The following SF3A3 variants were observed in gnomAD, a reference collection of about 807,000 sequenced individuals.
The protein encoded by SF3A3 is splicing factor 3a subunit 3, also known as SAP 61.
A neutral mutation model predicts 85.8 loss-of-function variants in SF3A3; 9 were observed. The observed-to-expected ratio is 0.10, with a 90% CI of 0.06 to 0.18. The LOEUF (loss-of-function observed/expected upper bound fraction) is 0.18, where lower values mean the gene tolerates loss of function less well. Among genes scored for constraint, SF3A3 ranks in the 10% least tolerant of loss-of-function variants. SF3A3 has a pLI of 1.00. For synonymous variants in SF3A3, 195 were observed against 204.4 expected, an observed-to-expected ratio of 0.95 and a Z score of 0.39; for missense variants, 306 against 593.3, an observed-to-expected ratio of 0.52 and a Z score of 5.03.
At chr1:37,963,002 C>T (rs1263444384) in intron 15 of SF3A3, among the ~76,000 whole-genome samples, 3 of 151,608 alleles carry the variant, frequency 2.0e-5, no homozygotes, top group Non-Finnish European at 4.4e-5. Context: ...ACAGGAGAAT[C>T]GCTTGAACAC....
intron 12 of SF3A3, among the ~76,000 whole-genome samples, chr1:37,970,054 C>T (rs1242232492): frequency 6.6e-6 from 1 of 152,084 alleles, no homozygotes; most frequent in East Asian, 1.9e-4. Flanking sequence ...CCTGTAATCC[C>T]ATCACTTTTG....
chr1:37,979,263 C>T (rs778809932), intron 9 of SF3A3: 15 of 621,312 alleles, frequency 2.4e-5, no homozygotes, highest in Non-Finnish European at 3.5e-5. Context: ...TACTTTACTA[C>T]GGCTTAATGT....
chr1:37,984,440 A>T (rs913131725), intron 5 of SF3A3, among the ~76,000 whole-genome samples, 180 bp from the exon 6 acceptor site: 2 of 152,240 alleles, frequency 1.3e-5, no homozygotes, highest in African/African-American at 2.4e-5. Flanking sequence ...TTTCTCTTAC[A>T]AGGTAACAAG....
At chr1:37,958,290 A>T (rs766760333) in intron 16 of SF3A3, 27 bp from the exon 17 acceptor site, 1 of 1,506,994 alleles carries the variant, frequency 6.6e-7, no homozygotes, top group African/African-American at 1.4e-5. Context: ...ACACTTTGTT[A>T]GACAGCTCTC....
chr1:37,960,184 T>C lies in SF3A3; in HGVS notation c.1373-9A>G. 6.2e-7 allele frequency: 1 copy of C among 1,613,754 alleles called. No individual in the cohort carries two copies. Among genetic ancestry groups the C allele is most frequent in the Non-Finnish European group, 8.5e-7 (1 of 1,179,722 alleles). ...TTTCAGTTTGGCCCACACTGCAGGA[T>C]GAGAAATGAACAGCAATCAGGATGG... On this transcript the variant is annotated splice_polypyrimidine_tract_variant and intron_variant, in intron 15 of 16. Coordinates refer to ENST00000373019, the MANE Select transcript of SF3A3 (RefSeq NM_006802.4).
chr1:37,957,907 T>G lies in SF3A3; in HGVS notation c.*279A>C. 7.9e-6 allele frequency: 3 copies of G among 381,858 alleles called. No individual in the cohort carries two copies. The highest frequency in any genetic ancestry group is 4.1e-5 in the Admixed American group (1 of 24,382). The allele number at this position is 381,858 out of a possible 1,614,324, so 23.7% of individuals were successfully genotyped here. On this transcript the variant is annotated 3_prime_UTR_variant, in exon 17 of 17. Transcript: ENST00000373019. ...ACTAGTAAAGTTGGTGAGGAAGAGG[T>G]ATGGAGGCGTTAAGACCTGAAGCAC...
intron 6 of SF3A3, among the ~76,000 whole-genome samples, chr1:37,983,301 A>C (rs546399719): frequency 1.3e-5 from 2 of 150,718 alleles, no homozygotes; most frequent in South Asian, 4.2e-4. Context: ...ATCTTATGTA[A>C]GGCTGGATGC....
chr1:37,973,627 T>C (rs186511284), intron 12 of SF3A3, among the ~76,000 whole-genome samples: 1,825 of 152,350 alleles, frequency 0.012, 45 homozygotes, highest in African/African-American at 0.042. Context: ...TTTTACACTG[T>C]TGGTGGGACT....
Position 37,976,173 on chromosome 1 carries a change from T to C in SF3A3, c.1005+711A>G, listed in dbSNP as rs570544743. ...TCTGTCTCAAAAAAAAAAAAAAAAC[T>C]GTACACAGCAGACACAATCAGAAAG... On this transcript the variant is annotated intron_variant, in intron 12 of 16. Coordinates refer to ENST00000373019, the MANE Select transcript of SF3A3 (RefSeq NM_006802.4). Among the ~76,000 whole-genome samples the C allele has an allele frequency of 3.3e-5, 5 of 149,296 alleles. No individual in the cohort carries two copies. In the South Asian group the frequency reaches 6.4e-4, roughly 19 times the overall value.
At chr1:37,977,910 G>A (rs1205887212) in intron 11 of SF3A3, among the ~76,000 whole-genome samples, 8 of 152,034 alleles carry the variant, frequency 5.3e-5, no homozygotes, top group East Asian at 3.9e-4. Context: ...CCAGCTACTC[G>A]GGAGGCTGAG....
intron 14 of SF3A3, 46 bp downstream of exon 14, chr1:37,969,308 A>C (rs780699135): frequency 2.1e-5 from 30 of 1,401,434 alleles, no homozygotes; most frequent in Non-Finnish European, 2.7e-5. Flanking sequence ...TAAAAGTCTC[A>C]TGTTTTTACT....
At chr1:37,981,007 G>T (rs544321446) in intron 7 of SF3A3, among the ~76,000 whole-genome samples, 2 of 151,724 alleles carry the variant, frequency 1.3e-5, no homozygotes, top group Non-Finnish European at 2.9e-5. Context: ...GCGCCACCAT[G>T]CCCGGCTAAT....
chr1:37,964,733 T>C (rs1646286876), intron 15 of SF3A3, among the ~76,000 whole-genome samples: 1 of 152,226 alleles, frequency 6.6e-6, no homozygotes, highest in African/African-American at 2.4e-5. Context: ...GCGGTGGTCC[T>C]CTATGTGCTT....
rs566236808 is a variant in SF3A3 at position 37,973,250 on chromosome 1, G to A, written c.1006-3515C>T. On this transcript the variant is annotated intron_variant, in intron 12 of 16. Coordinates refer to ENST00000373019, the MANE Select transcript of SF3A3 (RefSeq NM_006802.4). ...ACCTAAAACCATAAAAACCCTAGAA[G>A]AAAACCTAGGCAATACCATTCAGGC... Among the ~76,000 whole-genome samples the A allele has an allele frequency of 3.9e-5, 6 of 152,104 alleles. No individual in the cohort carries two copies. The East Asian group carries it at 9.7e-4, about 24-fold the overall frequency.
chr1:37,957,175 C>G lies in SF3A3; in HGVS notation c.*1011G>C, dbSNP rs1433294538. On this transcript the variant is annotated 3_prime_UTR_variant, in exon 17 of 17. Coordinates refer to ENST00000373019, the MANE Select transcript of SF3A3 (RefSeq NM_006802.4). ...TGGATCCTGGGGCAGCTGCTCAACT[C>G]TACCCAACTCTACCATGGCTACCTG... 1 of 152,142 alleles carries G rather than the reference C, an allele frequency of 6.6e-6. No homozygotes were observed. Among genetic ancestry groups the G allele is most frequent in the Admixed American group, 6.6e-5 (1 of 15,258 alleles). 9.4% of individuals were successfully genotyped at this position (152,142 alleles called of 1,614,324 possible). A position where few individuals can be genotyped will look rare whatever the true frequency, so the allele number is the denominator to read the frequency against.
In SF3A3 at chr1:37,969,664, C is replaced by A; in HGVS notation, c.1077G>T (p.Glu359Asp). The A allele has an allele frequency of 1.2e-6, 2 of 1,614,060 alleles. No individual in the cohort carries two copies. The highest frequency in any genetic ancestry group is 3.3e-5 in the Admixed American group (2 of 60,024). Residue 359 changes from glutamate to aspartate, a missense_variant, in exon 13 of 17, where the codon GAG becomes GAT. Physicochemically the swap from Glu to Asp is conservative, Grantham distance 45 (BLOSUM62 2). Coordinates refer to ENST00000373019, the MANE Select transcript of SF3A3 (RefSeq NM_006802.4). Reference sequence around the variant, plus strand: ...CACTCTCACTGATCTGCTCTTCTTCCTCTTCTTCTCGCTCTTCTCCTGTCC... The same window carrying A: ...CACTCTCACTGATCTGCTCTTCTTCATCTTCTTCTCGCTCTTCTCCTGTCC... ...QARTGEEREE[E>D]EEEQISESES...
chr1:37,961,396 T>C (rs937667618), intron 15 of SF3A3, among the ~76,000 whole-genome samples: 2 of 150,974 alleles, frequency 1.3e-5, no homozygotes, highest in Non-Finnish European at 3.0e-5. Context: ...ACCAGCCTGA[T>C]GAACATGGAA....
intron 14 of SF3A3, 62 bp downstream of exon 14, chr1:37,969,292 T>A: frequency 7.9e-7 from 1 of 1,273,104 alleles, no homozygotes; most frequent in Non-Finnish European, 1.1e-6. Flanking sequence ...CTCCTACTCT[T>A]TTCTCTAAAA....
At chr1:37,979,189 A>T in intron 9 of SF3A3, 134 bp from the exon 10 acceptor site, 1 of 725,210 alleles carries the variant, frequency 1.4e-6, no homozygotes, top group Non-Finnish European at 2.4e-6. Context: ...CAGTAAGTCT[A>T]AACTCTCCAG....
Sources: gnomAD v4.1 joint callset for allele counts (sites outside exome capture counted in the v4.1 genomes callset) on GRCh38, gnomAD v4.1.1 for gene constraint, MANE v1.5 for transcripts, NCBI Gene and HGNC (gene_info 2026-07-23, HGNC 2026-07-21) for gene names.